SLC8B1: variants seen among roughly 807,000 people sequenced by gnomAD.
SLC8B1 encodes mitochondrial sodium/calcium exchanger protein.
In SLC8B1, 52 loss-of-function variants were observed where a neutral mutation model predicts 63.4. That is an observed-to-expected ratio of 0.82 (90% CI 0.66 to 1.03). SLC8B1 has a LOEUF of 1.03. SLC8B1 is among the 50% of genes least tolerant of loss of function. SLC8B1 has a pLI of 0.00. For synonymous variants in SLC8B1, 336 were observed against 323.9 expected (o/e 1.04, Z -0.40); for missense variants, 657 against 741.7 (o/e 0.89, Z 1.33).
intron 1 of SLC8B1, 53 bp from the exon 2 acceptor site, chr12:113,333,013 C>T (rs1304659547): frequency 1.8e-6 from 2 of 1,105,370 alleles, no homozygotes. Context: ...CCCATGGACA[C>T]AGCAAAAGGG....
At chr12:113,324,829 G>A (rs1956977582) in intron 2 of SLC8B1, among the ~76,000 whole-genome samples, 1 of 151,968 alleles carries the variant, frequency 6.6e-6, no homozygotes, top group Admixed American at 6.6e-5. Flanking sequence ...TCAGCCACCT[G>A]AGTAGCTGGA....
At chr12:113,326,534 AT>A (rs1206899328) in intron 2 of SLC8B1, among the ~76,000 whole-genome samples, 1 of 151,806 alleles carries the variant, frequency 6.6e-6, no homozygotes, top group Admixed American at 6.6e-5. Flanking sequence ...CGCCTGGCTG[AT>A]TTTTTTATTT....
At chr12:113,315,248 C>A (rs1277472204) in intron 11 of SLC8B1, 87 bp downstream of exon 11, 2 of 1,354,914 alleles carry the variant, frequency 1.5e-6, no homozygotes, top group African/African-American at 2.9e-5. Context: ...TGAGATCGTG[C>A]CACTGTACTC....
At chr12:113,322,869 G>A (rs1956949765) in intron 2 of SLC8B1, among the ~76,000 whole-genome samples, 2 of 152,208 alleles carry the variant, frequency 1.3e-5, no homozygotes, top group Non-Finnish European at 2.9e-5. Flanking sequence ...AGGAGCACCT[G>A]AGCCTGGAAG....
chr12:113,301,333 C>CTTTTT (rs61095726), intron 15 of SLC8B1, among the ~76,000 whole-genome samples: 5 of 107,598 alleles, frequency 4.6e-5, no homozygotes, highest in Non-Finnish European at 9.1e-5. Context: ...CTTTATAAGG[C>CTTTTT]TTTTTTTTTT....
intron 11 of SLC8B1, among the ~76,000 whole-genome samples, chr12:113,312,823 C>T (rs1207413255): frequency 6.6e-6 from 1 of 152,196 alleles, no homozygotes; most frequent in Non-Finnish European, 1.5e-5. Context: ...ACTTGAACAT[C>T]TCAAATACCT....
rs1056804501 is a variant in SLC8B1 at position 113,298,967 on chromosome 12, C to A, written c.*810G>T. The A allele has an allele frequency of 3.3e-5, 5 of 152,316 alleles. No individual in the cohort carries two copies. Among genetic ancestry groups the A allele is most frequent in the African/African-American group, 1.2e-4 (5 of 41,468 alleles). The allele number at this position is 152,316 out of a possible 1,614,324, so 9.4% of individuals were successfully genotyped here. On this transcript the variant is annotated 3_prime_UTR_variant, in exon 16 of 16. Transcript: ENST00000680972. ...GCAGGCCTTGGAACCCCGCCCAGGG[C>A]CCCGCTGAGGGAGGCACAGGCACAG... is the stretch of plus-strand genomic sequence containing the variant.
chr12:113,310,155 T>G, intron 12 of SLC8B1, 79 bp downstream of exon 12: 3 of 1,522,770 alleles, frequency 2.0e-6, no homozygotes, highest in Non-Finnish European at 2.6e-6. Flanking sequence ...TCAAAGTGCC[T>G]CAGAGATGCA....
intron 11 of SLC8B1, among the ~76,000 whole-genome samples, chr12:113,311,443 C>A (rs1164384763): frequency 2.6e-5 from 4 of 151,520 alleles, no homozygotes; most frequent in Admixed American, 1.3e-4. Flanking sequence ...GAGCAAGACT[C>A]CATCTCAAAA....
At chr12:113,328,292 G>A (rs73192859) in intron 2 of SLC8B1, among the ~76,000 whole-genome samples, 5,633 of 152,266 alleles carry the variant, frequency 0.037, 142 homozygotes, top group Non-Finnish European at 0.057. Context: ...GCCTTCCAAC[G>A]TGCTGGGATT....
chr12:113,308,010 A>C (rs1956700025), intron 12 of SLC8B1, 166 bp from the exon 13 acceptor site: 9 of 767,140 alleles, frequency 1.2e-5, no homozygotes, highest in Non-Finnish European at 1.8e-5. Flanking sequence ...GTTAGTGCTC[A>C]ATAAAACGTG....
Position 113,331,769 on chromosome 12 carries a change from C to CT in SLC8B1, c.156+953dup, listed in dbSNP as rs201517002. On this transcript the variant is annotated intron_variant, in intron 2 of 15. Coordinates refer to ENST00000680972, the MANE Select transcript of SLC8B1 (RefSeq NM_001358345.2). ...AGTCAATATTCCTTTAAAAACTCCC[C>CT]TTTACATATACATCTATCCTATTAG... Among the ~76,000 whole-genome samples, 1,041 of 152,274 alleles carry CT rather than the reference C, an allele frequency of 6.8e-3. 7 individuals are homozygous for CT. Among genetic ancestry groups the CT allele is most frequent in the African/African-American group, 0.023 (955 of 41,562 alleles).
At chr12:113,314,737 G>A (rs941682835) in intron 11 of SLC8B1, among the ~76,000 whole-genome samples, 4 of 152,292 alleles carry the variant, frequency 2.6e-5, no homozygotes, top group African/African-American at 7.2e-5. Flanking sequence ...ATCTTGAGAA[G>A]CCAAAATCCA....
Position 113,305,178 on chromosome 12 carries a change from C to T in SLC8B1, c.1493-793G>A, listed in dbSNP as rs544375875. ...GTGATAGTGTGTGGGCCGAGGCCAT[C>T]TCTAGGGGTCGTTCAGGGCTCCCTC... On this transcript the variant is annotated intron_variant, in intron 14 of 15. Transcript: ENST00000680972. The surrounding 1 kb of genome is among the most constrained non-coding windows in gnomAD (Gnocchi z 4.3). Among the ~76,000 whole-genome samples, 1 of 152,356 alleles carries T rather than the reference C, an allele frequency of 6.6e-6. No homozygotes were observed. Among genetic ancestry groups the T allele is most frequent in the South Asian group, 2.1e-4 (1 of 4,828 alleles).
chr12:113,304,030 A>T (rs1956636131), intron 15 of SLC8B1, among the ~76,000 whole-genome samples: 2 of 152,082 alleles, frequency 1.3e-5, no homozygotes, highest in Non-Finnish European at 1.5e-5. Context: ...ACAGGTGTGC[A>T]CCACCACACC....
At chr12:113,326,443 C>T (rs887377042) in intron 2 of SLC8B1, among the ~76,000 whole-genome samples, 4 of 152,158 alleles carry the variant, frequency 2.6e-5, no homozygotes, top group Non-Finnish European at 5.9e-5. Flanking sequence ...TCTCAGCTCA[C>T]TGCAACCTTT....
At chr12:113,300,458 G>A (rs1419806116) in intron 15 of SLC8B1, among the ~76,000 whole-genome samples, 1 of 152,142 alleles carries the variant, frequency 6.6e-6, no homozygotes, top group African/African-American at 2.4e-5. Flanking sequence ...ACTCCAGCTT[G>A]GGTGATGGAG....
intron 11 of SLC8B1, 38 bp downstream of exon 11, chr12:113,315,297 G>C: frequency 6.7e-7 from 1 of 1,485,214 alleles, no homozygotes; most frequent in East Asian, 2.5e-5. Flanking sequence ...GTGGGAAGGA[G>C]TAGGAAGGTG....
At chr12:113,317,152 T>A in intron 8 of SLC8B1, 151 bp from the exon 9 acceptor site, 1 of 720,376 alleles carries the variant, frequency 1.4e-6, no homozygotes, top group Non-Finnish European at 2.4e-6. Flanking sequence ...CAGGCTGGAG[T>A]GCAGAGGTGT....
Sources: gnomAD v4.1 joint callset for allele counts (sites outside exome capture counted in the v4.1 genomes callset) on GRCh38, gnomAD v4.1.1 for gene constraint, Gnocchi (gnomAD v3.1) non-coding constraint, MANE v1.5 for transcripts, NCBI Gene and HGNC (gene_info 2026-07-23, HGNC 2026-07-21) for gene names.